Variants in SDHAF3 observed in about 807,000 individuals in gnomAD.
SDHAF3 encodes succinate dehydrogenase complex assembly factor 3, also known as succinate dehydrogenase assembly factor 3, mitochondrial.
A neutral mutation model predicts 11.5 loss-of-function variants in SDHAF3; 18 were observed. That is an observed-to-expected ratio of 1.56 (90% CI 1.08 to 2.32). The LOEUF (loss-of-function observed/expected upper bound fraction) is 2.32. Among genes scored for constraint, SDHAF3 ranks in the 30% most tolerant of loss-of-function variants. SDHAF3 has a pLI of 0.00. For missense variants in SDHAF3, 200 were observed against 154.4 expected (o/e 1.30, Z -1.57); for synonymous variants, 72 against 59.3 (o/e 1.21, Z -0.99).
intron 1 of SDHAF3, among the ~76,000 whole-genome samples, chr7:97,132,207 C>T (rs1038647394): frequency 3.9e-4 from 60 of 152,108 alleles, no homozygotes; most frequent in African/African-American, 9.7e-5. Context: ...CTACTAGCGC[C>T]TTATATATAC....
chr7:97,143,102 G>T (rs890267618), intron 1 of SDHAF3, among the ~76,000 whole-genome samples: 14 of 151,350 alleles, frequency 9.3e-5, no homozygotes, highest in Admixed American at 2.6e-4. Flanking sequence ...CACCATGTTG[G>T]CCAGGCTGGT....
intron 1 of SDHAF3, among the ~76,000 whole-genome samples, chr7:97,122,810 T>C (rs1299102854): frequency 1.3e-5 from 2 of 152,150 alleles, no homozygotes; most frequent in Non-Finnish European, 2.9e-5. Context: ...AGACTAAAGA[T>C]GTGGGTGGAA....
intron 1 of SDHAF3, among the ~76,000 whole-genome samples, chr7:97,126,963 C>T (rs181339351): frequency 2.9e-4 from 44 of 152,072 alleles, no homozygotes; most frequent in African/African-American, 1.0e-3. Flanking sequence ...TCCTGGTCTT[C>T]GGATTACAAA....
Position 97,117,703 on chromosome 7 carries a change from C to A in SDHAF3, c.-21C>A, listed in dbSNP as rs369183186. ...CGCCGTCCCTCTGCGCAGGCGCAGT[C>A]GGCGGTCGGCGTGGGGCGCTATGCC... is the stretch of plus-strand genomic sequence containing the variant. On this transcript the variant is annotated 5_prime_UTR_variant, in exon 1 of 2. Transcript: ENST00000432641. The A allele has an allele frequency of 6.2e-7, 1 of 1,603,780 alleles. No homozygotes were observed. The highest frequency in any genetic ancestry group is 8.5e-7 in the Non-Finnish European group (1 of 1,174,916).
Position 97,117,905 on chromosome 7 carries a change from A to G in SDHAF3, c.174+8A>G. On this transcript the variant is annotated splice_region_variant and intron_variant, in intron 1 of 1. Transcript: ENST00000432641. Reference sequence around the variant, plus strand: ...TTCTTGCAAGAATGGGAGGCAAGTGACGCTCCCTTCTCTTTGCCCAAGACC... The same window carrying G: ...TTCTTGCAAGAATGGGAGGCAAGTGGCGCTCCCTTCTCTTTGCCCAAGACC... 3 of 1,613,488 alleles carry G rather than the reference A, an allele frequency of 1.9e-6. No homozygotes were observed. Among genetic ancestry groups the G allele is most frequent in the Non-Finnish European group, 2.5e-6 (3 of 1,179,534 alleles).
At chr7:97,120,369 G>A (rs1212627046) in intron 1 of SDHAF3, among the ~76,000 whole-genome samples, 1 of 152,100 alleles carries the variant, frequency 6.6e-6, no homozygotes, top group Admixed American at 6.6e-5. Context: ...AAAGATACTT[G>A]AAGAACTGGT....
chr7:97,131,845 T>C (rs1262472308), intron 1 of SDHAF3, among the ~76,000 whole-genome samples: 2 of 152,184 alleles, frequency 1.3e-5, no homozygotes, highest in Admixed American at 6.5e-5. Flanking sequence ...TGCATATCTA[T>C]AGTAAAGTGA....
intron 1 of SDHAF3, among the ~76,000 whole-genome samples, chr7:97,178,047 A>C (rs1295450442): frequency 6.6e-6 from 1 of 152,186 alleles, no homozygotes; most frequent in Non-Finnish European, 1.5e-5. Context: ...CTCGGTGGCC[A>C]TTAAACAGTA....
chr7:97,117,747 A>C lies in SDHAF3; in HGVS notation c.24A>C (p.Arg8=), dbSNP rs1187315637. 1.2e-6 allele frequency: 2 copies of C among 1,613,832 alleles called. No individual in the cohort carries two copies. Among genetic ancestry groups the C allele is most frequent in the South Asian group, 2.2e-5 (2 of 91,074 alleles). The change falls in exon 1 of 2, where the codon CGA becomes CGC. Residue 8 remains arginine, a synonymous_variant. Coordinates refer to ENST00000432641, the MANE Select transcript of SDHAF3 (RefSeq NM_020186.3). Reference sequence around the variant, plus strand: ...CTATGCCGGGGCGGCACGTTTCTCGAGTCCGGGCATTGTACAAGCGCGTCT... The same window carrying C: ...CTATGCCGGGGCGGCACGTTTCTCGCGTCCGGGCATTGTACAAGCGCGTCT... MPGRHVS[R]VRALYKRVLQ...
chr7:97,142,677 T>C (rs1023834231), intron 1 of SDHAF3: 2 of 152,082 alleles, frequency 1.3e-5, no homozygotes, highest in African/African-American at 2.4e-5. Context: ...TTATAGGGTT[T>C]TAAGTGCCTA....
chr7:97,126,630 T>C (rs1489362367), intron 1 of SDHAF3, among the ~76,000 whole-genome samples: 1 of 152,100 alleles, frequency 6.6e-6, no homozygotes, highest in Non-Finnish European at 1.5e-5. Flanking sequence ...GCCTCAGTAA[T>C]GGCAGATGCC....
rs1009130646 is a variant in SDHAF3 at position 97,155,851 on chromosome 7, G to T, written c.175-25161G>T. On this transcript the variant is annotated intron_variant, in intron 1 of 1. Transcript: ENST00000432641. ...ACTGTCTTACAATTAGCTAATATCC[G>T]AAGCATGATACATTACCTAGTGGGG... 2.0e-5 allele frequency among the ~76,000 whole-genome samples: 3 copies of T among 146,826 alleles called. No homozygotes were observed. In the East Asian group the frequency reaches 6.1e-4, roughly 30 times the overall value.
At chr7:97,131,977 G>A (rs1791677725) in intron 1 of SDHAF3, among the ~76,000 whole-genome samples, 2 of 152,240 alleles carry the variant, frequency 1.3e-5, no homozygotes, top group African/African-American at 4.8e-5. Context: ...TGGAAAAACT[G>A]TAACATAATT....
intron 1 of SDHAF3, among the ~76,000 whole-genome samples, chr7:97,144,843 A>C (rs1365695411): frequency 6.6e-6 from 1 of 151,728 alleles, no homozygotes; most frequent in Non-Finnish European, 1.5e-5. Flanking sequence ...TCTGTGAAGA[A>C]TGATGGTGAT....
At chr7:97,174,486 GTTTC>G (rs1562832354) in intron 1 of SDHAF3, among the ~76,000 whole-genome samples, 2 of 152,170 alleles carry the variant, frequency 1.3e-5, no homozygotes, top group East Asian at 1.9e-4. Flanking sequence ...TAGAGGAATT[GTTTC>G]TTTCTGTTCC....
intron 1 of SDHAF3, among the ~76,000 whole-genome samples, chr7:97,160,531 G>A (rs971646440): frequency 2.0e-5 from 3 of 152,166 alleles, no homozygotes; most frequent in Non-Finnish European, 4.4e-5. Context: ...AGTAGACATA[G>A]GAGACTCCAT....
intron 1 of SDHAF3, among the ~76,000 whole-genome samples, chr7:97,168,951 C>T (rs564643663): frequency 4.0e-4 from 61 of 152,196 alleles, no homozygotes; most frequent in African/African-American, 1.3e-3. Flanking sequence ...TGTGATAATG[C>T]TACACTCTTT....
chr7:97,176,734 A>G (rs749181770), intron 1 of SDHAF3, among the ~76,000 whole-genome samples: 30 of 152,136 alleles, frequency 2.0e-4, no homozygotes, highest in Non-Finnish European at 4.0e-4. Context: ...CATGAAATGT[A>G]TTTCTACTTT....
intron 1 of SDHAF3, among the ~76,000 whole-genome samples, chr7:97,156,735 A>G (rs1789306283): frequency 6.6e-6 from 1 of 152,184 alleles, no homozygotes; most frequent in South Asian, 2.1e-4. Context: ...TATGTTACAC[A>G]GTCATGAGGA....
Sources: gnomAD v4.1 joint callset for allele counts (sites outside exome capture counted in the v4.1 genomes callset) on GRCh38, gnomAD v4.1.1 for gene constraint, MANE v1.5 for transcripts, NCBI Gene and HGNC (gene_info 2026-07-23, HGNC 2026-07-21) for gene names.